ACOT13: variants seen among roughly 807,000 people sequenced by gnomAD.
The protein encoded by ACOT13 is acyl-CoA thioesterase 13.
Under a neutral mutation model 11.8 loss-of-function variants are expected in ACOT13, and 10 were observed. That is an observed-to-expected ratio of 0.85 (90% CI 0.53 to 1.44). The LOEUF (loss-of-function observed/expected upper bound fraction) is 1.44. Among genes scored for constraint, ACOT13 ranks in the 40% most tolerant of loss-of-function variants. ACOT13 has a pLI of 0.00. For synonymous variants in ACOT13, 53 were observed against 61.0 expected, an observed-to-expected ratio of 0.87 and a Z score of 0.61; for missense variants, 172 against 174.1, an observed-to-expected ratio of 0.99 and a Z score of 0.07.
Position 24,667,421 on chromosome 6 carries a change from T to G in ACOT13, c.81+77T>G, listed in dbSNP as rs555930577. ...CACCGTGCTTGGTGCCGTTGTGAGC[T>G]TTGAATAATTATCTCTTGTTAGGTT... On this transcript the variant is annotated intron_variant, in intron 1 of 2. Transcript: ENST00000230048. 33 of 1,309,756 alleles carry G rather than the reference T, an allele frequency of 2.5e-5. 1 individual carries two copies. In the South Asian group the frequency reaches 3.8e-4, roughly 15 times the overall value. The allele number at this position is 1,309,756 out of a possible 1,614,324, so 81.1% of individuals were successfully genotyped here. A position where few individuals can be genotyped will look rare whatever the true frequency, so the allele number is the denominator to read the frequency against.
chr6:24,695,247 C>T (rs764209927), intron 1 of ACOT13, among the ~76,000 whole-genome samples: 3 of 152,004 alleles, frequency 2.0e-5, no homozygotes, highest in Non-Finnish European at 4.4e-5. Context: ...ATGCAGAGGT[C>T]GCAGTGAGCC....
intron 1 of ACOT13, among the ~76,000 whole-genome samples, chr6:24,681,114 T>C (rs975568840): frequency 2.6e-5 from 4 of 152,168 alleles, no homozygotes; most frequent in African/African-American, 9.7e-5. Flanking sequence ...GTGGTTGGAG[T>C]TACATTACCC....
At chr6:24,680,644 T>A (rs1778531984) in intron 1 of ACOT13, among the ~76,000 whole-genome samples, 1 of 152,180 alleles carries the variant, frequency 6.6e-6, no homozygotes, top group Non-Finnish European at 1.5e-5. Context: ...TGCTGGATTC[T>A]AGTGGTCCTT....
At chr6:24,691,137 C>G (rs951663712) in intron 1 of ACOT13, among the ~76,000 whole-genome samples, 1 of 152,144 alleles carries the variant, frequency 6.6e-6, no homozygotes, top group Non-Finnish European at 1.5e-5. Context: ...ATAGAAGATT[C>G]TCCCCATAGT....
chr6:24,696,223 A>G (rs1381620235), intron 1 of ACOT13, among the ~76,000 whole-genome samples: 1 of 152,188 alleles, frequency 6.6e-6, no homozygotes, highest in East Asian at 1.9e-4. Flanking sequence ...GCCTTCAACA[A>G]TAAAACCACT....
Position 24,667,167 on chromosome 6 carries a change from G to T in ACOT13, c.-97G>T. 1 of 1,290,606 alleles carries T rather than the reference G, an allele frequency of 7.7e-7. No individual in the cohort carries two copies. Among genetic ancestry groups the T allele is most frequent in the Non-Finnish European group, 1.1e-6 (1 of 911,836 alleles). 79.9% of individuals were successfully genotyped at this position (1,290,606 alleles called of 1,614,324 possible). A position where few individuals can be genotyped will look rare whatever the true frequency, so the allele number is the denominator to read the frequency against. On this transcript the variant is annotated 5_prime_UTR_variant, in exon 1 of 3. Coordinates refer to ENST00000230048, the MANE Select transcript of ACOT13 (RefSeq NM_018473.4). ...GGGCGGAGAAGGGTGCGGGCTCTTC[G>T]CCCTTTGTGTCCTCCTTCTTTCACT...
chr6:24,698,123 T>A, intron 2 of ACOT13, 56 bp downstream of exon 2: 2 of 1,426,654 alleles, frequency 1.4e-6, no homozygotes, highest in Middle Eastern at 3.7e-4. Flanking sequence ...TCTAAACAAC[T>A]GAGACTAAAC....
At chr6:24,669,261 A>G (rs1778319705) in intron 1 of ACOT13, among the ~76,000 whole-genome samples, 1 of 152,182 alleles carries the variant, frequency 6.6e-6, no homozygotes, top group Admixed American at 6.5e-5. Context: ...GACATCAATC[A>G]ATATATGTAA....
rs376871774 is a variant in ACOT13, at chr6:24,678,140, TG to T, written c.81+10800del. Among the ~76,000 whole-genome samples, 269 of 152,280 alleles carry T rather than the reference TG, an allele frequency of 1.8e-3. 2 individuals are homozygous for T. Among genetic ancestry groups the T allele is most frequent in the African/African-American group, 5.5e-3 (228 of 41,558 alleles). ...TAGATGGGCGCTATGCTTGAACCCT[TG>T]GGGTAAAACAGTCCAGGTGAGTTGA... On this transcript the variant is annotated intron_variant, in intron 1 of 2. Transcript: ENST00000230048.
intron 1 of ACOT13, among the ~76,000 whole-genome samples, chr6:24,688,539 CA>C (rs34225480): frequency 0.01 from 836 of 82,296 alleles, 3 homozygotes; most frequent in African/African-American, 0.02. Flanking sequence ...GACCCTGTCT[CA>C]AAAAAAAAAA....
At chr6:24,699,161 G>C (rs992380228) in intron 2 of ACOT13, among the ~76,000 whole-genome samples, 1 of 151,428 alleles carries the variant, frequency 6.6e-6, no homozygotes. Flanking sequence ...AGGTCAGGTT[G>C]AGAGAGCCAT....
chr6:24,683,298 GAGGCCA>G (rs1778582253), intron 1 of ACOT13, among the ~76,000 whole-genome samples: 1 of 152,154 alleles, frequency 6.6e-6, no homozygotes, highest in African/African-American at 2.4e-5. Flanking sequence ...AGCACTTTGG[GAGGCCA>G]AGGCAGGCAG....
chr6:24,677,761 G>A (rs1343372747), intron 1 of ACOT13, among the ~76,000 whole-genome samples: 2 of 152,168 alleles, frequency 1.3e-5, no homozygotes, highest in Non-Finnish European at 1.5e-5. Context: ...TGACTATTTC[G>A]CTGTACCTGG....
At chr6:24,672,769 T>G (rs1231740827) in intron 1 of ACOT13, among the ~76,000 whole-genome samples, 1 of 152,266 alleles carries the variant, frequency 6.6e-6, no homozygotes, top group East Asian at 1.9e-4. Flanking sequence ...CTTGCATCAT[T>G]GTGCCTTTGA....
rs1030473749 is a variant in ACOT13, at chr6:24,691,826, C to T, written c.82-6057C>T. Among the ~76,000 whole-genome samples, 7 of 152,260 alleles carry T rather than the reference C, an allele frequency of 4.6e-5. No individual in the cohort carries two copies. In the East Asian group the frequency reaches 1.2e-3, roughly 25 times the overall value. ...GCTGCTCTTTGACTTACGATGAGGTCGCATTGGGATAAGCCCATCATAAAT... is the reference window on the plus strand; with the variant it reads ...GCTGCTCTTTGACTTACGATGAGGTTGCATTGGGATAAGCCCATCATAAAT... On this transcript the variant is annotated intron_variant, in intron 1 of 2. Coordinates refer to ENST00000230048, the MANE Select transcript of ACOT13 (RefSeq NM_018473.4).
intron 1 of ACOT13, 23 bp downstream of exon 1, chr6:24,667,367 G>A: frequency 6.2e-7 from 1 of 1,610,958 alleles, no homozygotes. Context: ...TAGGGGAGAA[G>A]CCGTGGCTTC....
chr6:24,673,906 CAGT>C (rs35311902), intron 1 of ACOT13, among the ~76,000 whole-genome samples: 59,595 of 151,830 alleles, frequency 0.39, 12,675 homozygotes, highest in Non-Finnish European at 0.5. Context: ...ATTTACCATA[CAGT>C]ATTCTTTCTC....
chr6:24,683,517 A>C (rs1778585242), intron 1 of ACOT13, among the ~76,000 whole-genome samples: 1 of 151,874 alleles, frequency 6.6e-6, no homozygotes, highest in Non-Finnish European at 1.5e-5. Flanking sequence ...GCCTGGGTGG[A>C]CAGAGTGAGA....
chr6:24,680,605 C>T (rs962467268), intron 1 of ACOT13, among the ~76,000 whole-genome samples: 2 of 152,132 alleles, frequency 1.3e-5, no homozygotes, highest in Admixed American at 6.5e-5. Context: ...TTTTCCACCT[C>T]TCTTGACCAC....
Sources: gnomAD v4.1 joint callset for allele counts (sites outside exome capture counted in the v4.1 genomes callset) on GRCh38, gnomAD v4.1.1 for gene constraint, MANE v1.5 for transcripts, NCBI Gene and HGNC (gene_info 2026-07-23, HGNC 2026-07-21) for gene names.